The following ZNF609 variants were observed in gnomAD, a reference collection of about 807,000 sequenced individuals.
ZNF609 encodes zinc finger protein 609.
ZNF609 carries 11 observed loss-of-function variants against 109.5 expected under a neutral mutation model. That is an observed-to-expected ratio of 0.10 (90% CI 0.06 to 0.17). The LOEUF (loss-of-function observed/expected upper bound fraction) is 0.17. Ranked by LOEUF, ZNF609 falls within the 10% of genes least tolerant of loss-of-function variation. The probability of loss-of-function intolerance (pLI) is 1.00; values close to 1 mark genes in which losing one functional copy is unlikely to be tolerated. For missense variants in ZNF609, 1,559 were observed against 1,772.4 expected, an observed-to-expected ratio of 0.88 and a Z score of 2.16; for synonymous variants, 646 against 662.0, an observed-to-expected ratio of 0.98 and a Z score of 0.37.
rs999822761 is a variant in ZNF609 at position 64,542,604 on chromosome 15, C to G, written c.747+42438C>G. ...CATTGTTCAACCTAAACTTGATTGT[C>G]TAGTGATATTCCGTATCTTGCTGAT... On this transcript the variant is annotated intron_variant, in intron 2 of 9. Transcript: ENST00000326648. Among the ~76,000 whole-genome samples, 52 of 152,194 alleles carry G rather than the reference C, an allele frequency of 3.4e-4. 1 individual carries two copies. The highest frequency in any genetic ancestry group is 3.0e-3 in the Admixed American group (46 of 15,268).
intron 2 of ZNF609, among the ~76,000 whole-genome samples, chr15:64,600,449 C>CAAAAAAAAAAAAAAAA (rs60948226): frequency 1.9e-5 from 1 of 53,816 alleles, no homozygotes; most frequent in Non-Finnish European, 3.7e-5. Flanking sequence ...GGCTGTGTCT[C>CAAAAAAAAAAAAAAAA]AAAAAAAAAA....
intron 1 of ZNF609, among the ~76,000 whole-genome samples, chr15:64,477,927 G>T (rs1254540004): frequency 6.6e-6 from 1 of 152,154 alleles, no homozygotes; most frequent in Non-Finnish European, 1.5e-5. Flanking sequence ...ACTGTGCCTG[G>T]CTGCATATCT....
upstream of ZNF609, among the ~76,000 whole-genome samples, chr15:64,459,861 A>T (rs1475881159): frequency 6.6e-6 from 1 of 152,184 alleles, no homozygotes; most frequent in Non-Finnish European, 1.5e-5. Flanking sequence ...GCAATCAGAG[A>T]TGAATAGCAG....
At chr15:64,470,869 T>TC (rs1310383729) in intron 1 of ZNF609, among the ~76,000 whole-genome samples, 2 of 152,198 alleles carry the variant, frequency 1.3e-5, no homozygotes, top group Non-Finnish European at 2.9e-5. Flanking sequence ...AGTTGTTAAT[T>TC]CCCCATATTA....
At chr15:64,666,913 G>A (rs987897169) in intron 3 of ZNF609, among the ~76,000 whole-genome samples, 7 of 151,952 alleles carry the variant, frequency 4.6e-5, no homozygotes, top group African/African-American at 1.7e-4. Flanking sequence ...CGGATCATGA[G>A]ATCAGGAGAT....
chr15:64,647,009 T>A (rs1228261415), intron 3 of ZNF609, among the ~76,000 whole-genome samples: 1 of 150,106 alleles, frequency 6.7e-6, no homozygotes, highest in Non-Finnish European at 1.5e-5. Flanking sequence ...ATTATCACTG[T>A]ATAGGATGTT....
rs767874531 is a variant in ZNF609, at chr15:64,504,636, GT to G, written c.747+4488del. 6.0e-3 allele frequency among the ~76,000 whole-genome samples: 816 copies of G among 136,874 alleles called. 1 individual carries two copies. The highest frequency in any genetic ancestry group is 8.0e-3 in the African/African-American group (300 of 37,458). 89.8% of individuals were successfully genotyped at this position (136,874 alleles called of 152,430 possible). A position where few individuals can be genotyped will look rare whatever the true frequency, so the allele number is the denominator to read the frequency against. Reference sequence around the variant, plus strand: ...AAGTGCATACCACCATGCCTGGCTAGTTTTTTTTTTTTTTTTTTAATTTTAG... The same window carrying G: ...AAGTGCATACCACCATGCCTGGCTAGTTTTTTTTTTTTTTTTTAATTTTAG... On this transcript the variant is annotated intron_variant, in intron 2 of 9. Coordinates refer to ENST00000326648, the MANE Select transcript of ZNF609 (RefSeq NM_015042.2).
chr15:64,685,522 C>CT lies in ZNF609; in HGVS notation c.*3837dup, dbSNP rs996234298. 1 of 152,834 alleles carries CT rather than the reference C, an allele frequency of 6.5e-6. No individual in the cohort carries two copies. The highest frequency in any genetic ancestry group is 2.4e-5 in the African/African-American group (1 of 41,432). The allele number at this position is 152,834 out of a possible 1,614,324, so 9.5% of individuals were successfully genotyped here. On this transcript the variant is annotated 3_prime_UTR_variant, in exon 10 of 10. Transcript: ENST00000326648. ...TAGCCCAGGAGCTTTACTCTGTGCC[C>CT]TGGCCTCCCCTCTCTTCACCTTTAG...
chr15:64,474,456 G>A (rs554657780), intron 1 of ZNF609, among the ~76,000 whole-genome samples: 4 of 148,898 alleles, frequency 2.7e-5, no homozygotes, highest in African/African-American at 9.9e-5. Flanking sequence ...CAGGTGATCC[G>A]CCTGCCTCAG....
intron 3 of ZNF609, among the ~76,000 whole-genome samples, chr15:64,641,108 G>A (rs1022256230): frequency 2.0e-5 from 3 of 151,768 alleles, no homozygotes; most frequent in African/African-American, 7.3e-5. Context: ...CTTAATAATG[G>A]TTTCAGCTGG....
intron 3 of ZNF609, among the ~76,000 whole-genome samples, chr15:64,628,468 C>T (rs1595744999): frequency 6.6e-6 from 1 of 151,832 alleles, no homozygotes; most frequent in African/African-American, 2.4e-5. Context: ...ACCAGCCTGG[C>T]CAATATGGTG....
rs761775154 is a variant in ZNF609 at position 64,675,340 on chromosome 15, C to T, written c.2486C>T (p.Thr829Ile). The T allele has an allele frequency of 6.2e-7, 1 of 1,613,898 alleles. No individual in the cohort carries two copies. The highest frequency in any genetic ancestry group is 8.5e-7 in the Non-Finnish European group (1 of 1,179,864). Residue 829 changes from threonine (T) to isoleucine (I), a missense_variant, in exon 5 of 10, where the codon ACC becomes ATC. Physicochemically the swap from Thr to Ile is moderately conservative, Grantham distance 89. This residue lies in a region of ZNF609 where 1,204 missense variants were observed against 1,314.1 expected (regional missense o/e 0.92). Transcript: ENST00000326648. The part of the protein sequence containing the change: ...TQPLTPLHVV[T>I]QNGAEASSVK... ...CCCCTGACTCCCTTACATGTGGTGA[C>T]CCAGAATGGAGCTGAAGCCAGCTCA...
chr15:64,593,446 G>A (rs757619196), intron 2 of ZNF609: 6 of 654,890 alleles, frequency 9.2e-6, no homozygotes, highest in Non-Finnish European at 1.6e-5. Flanking sequence ...ACACAAAAAT[G>A]TTCACGATGC....
intron 3 of ZNF609, among the ~76,000 whole-genome samples, chr15:64,665,359 T>G (rs188287878): frequency 6.6e-5 from 10 of 152,316 alleles, no homozygotes; most frequent in African/African-American, 2.4e-4. Context: ...AGTAAATGAT[T>G]TATCCTTTCT....
At chr15:64,653,149 T>C (rs1896442629) in intron 3 of ZNF609, among the ~76,000 whole-genome samples, 1 of 152,214 alleles carries the variant, frequency 6.6e-6, no homozygotes, top group South Asian at 2.1e-4. Context: ...CTATAAAATA[T>C]GTTCAACAGT....
chr15:64,538,209 G>T (rs1894187514), intron 2 of ZNF609, among the ~76,000 whole-genome samples: 1 of 152,094 alleles, frequency 6.6e-6, no homozygotes, highest in Non-Finnish European at 1.5e-5. Flanking sequence ...TTTTAGATGG[G>T]TTAGATTTCC....
chr15:64,593,112 T>C, intron 2 of ZNF609: 1 of 1,592,828 alleles, frequency 6.3e-7, no homozygotes, highest in Non-Finnish European at 8.5e-7. Context: ...CGAAACATAG[T>C]GGAGTCCGCA....
At chr15:64,526,060 G>A (rs1893963825) in intron 2 of ZNF609, among the ~76,000 whole-genome samples, 1 of 150,918 alleles carries the variant, frequency 6.6e-6, no homozygotes, top group African/African-American at 2.4e-5. Context: ...AAAGTGCCGG[G>A]ATTACAAGCA....
intron 8 of ZNF609, 57 bp downstream of exon 8, chr15:64,680,919 C>G: frequency 6.3e-7 from 1 of 1,583,292 alleles, no homozygotes; most frequent in Non-Finnish European, 8.6e-7. Flanking sequence ...TGTTTATCTT[C>G]ATCCCAGTAG....
Sources: gnomAD v4.1 joint callset for allele counts (sites outside exome capture counted in the v4.1 genomes callset) on GRCh38, gnomAD v4.1.1 for gene constraint, gnomAD v4.1.1 regional missense constraint, MANE v1.5 for transcripts, NCBI Gene and HGNC (gene_info 2026-07-23, HGNC 2026-07-21) for gene names.